NEDD4L: variants seen among roughly 807,000 people sequenced by gnomAD.
NEDD4L encodes E3 ubiquitin-protein ligase NEDD4-like.
Under a neutral mutation model 148.9 loss-of-function variants are expected in NEDD4L, and 54 were observed. That is an observed-to-expected ratio of 0.36 (90% CI 0.29 to 0.45). The LOEUF is 0.45. Ranked by LOEUF, NEDD4L falls within the 20% of genes least tolerant of loss-of-function variation. The probability of loss-of-function intolerance (pLI) is 1.00; values close to 1 mark genes in which losing one functional copy is unlikely to be tolerated. For synonymous variants in NEDD4L, 433 were observed against 440.7 expected, an observed-to-expected ratio of 0.98 and a Z score of 0.22; for missense variants, 856 against 1,233.8, an observed-to-expected ratio of 0.69 and a Z score of 4.59.
chr18:58,151,291 G>T (rs1020619442), intron 1 of NEDD4L, among the ~76,000 whole-genome samples: 2 of 152,206 alleles, frequency 1.3e-5, no homozygotes, highest in African/African-American at 4.8e-5. Context: ...CAAGGGGCTG[G>T]TCGGCCTTGT....
At chr18:58,139,050 T>C (rs1489382228) in intron 1 of NEDD4L, among the ~76,000 whole-genome samples, 1 of 152,254 alleles carries the variant, frequency 6.6e-6, no homozygotes, top group Non-Finnish European at 1.5e-5. Flanking sequence ...GGGTCCTCAG[T>C]GCCTTGCCTT....
At chr18:58,380,296 T>TTTTATTTATTTATTTATTTATTTA (rs550029276) in intron 24 of NEDD4L, among the ~76,000 whole-genome samples, 1 of 141,768 alleles carries the variant, frequency 7.1e-6, no homozygotes, top group African/African-American at 2.7e-5. Context: ...TTCTTTTTTA[T>TTTTATTTATTTATTTATTTATTTA]TTTATTTATT....
intron 9 of NEDD4L, among the ~76,000 whole-genome samples, chr18:58,327,243 G>A (rs1428539484): frequency 2.0e-5 from 3 of 152,052 alleles, no homozygotes; most frequent in Admixed American, 6.5e-5. Context: ...GATTACAGGC[G>A]CCCGCCGCCA....
chr18:58,394,949 A>C (rs1005628554), intron 30 of NEDD4L, among the ~76,000 whole-genome samples: 1 of 152,254 alleles, frequency 6.6e-6, no homozygotes, highest in South Asian at 2.1e-4. Context: ...CAGAGGCAGC[A>C]CAAGTGCACT....
intron 2 of NEDD4L, among the ~76,000 whole-genome samples, chr18:58,183,482 G>A (rs2039074160): frequency 1.3e-5 from 2 of 152,188 alleles, no homozygotes. Context: ...CACATTAATA[G>A]GCCATGTCCT....
chr18:58,234,992 A>G (rs1437369882), intron 2 of NEDD4L, among the ~76,000 whole-genome samples: 1 of 152,034 alleles, frequency 6.6e-6, no homozygotes, highest in African/African-American at 2.4e-5. Flanking sequence ...TGCAGTGAGA[A>G]CTGAGCTGAG....
At chr18:58,167,523 G>C (rs145894461) in intron 2 of NEDD4L, among the ~76,000 whole-genome samples, 3 of 152,252 alleles carry the variant, frequency 2.0e-5, no homozygotes, top group Non-Finnish European at 4.4e-5. Flanking sequence ...ATATCAAAGC[G>C]TGTGTCTTTC....
chr18:58,118,583 T>A (rs924557317), intron 1 of NEDD4L, among the ~76,000 whole-genome samples: 1 of 152,224 alleles, frequency 6.6e-6, no homozygotes, highest in Non-Finnish European at 1.5e-5. Context: ...TCATCCTCCC[T>A]TTTCTTCTTT....
intron 1 of NEDD4L, among the ~76,000 whole-genome samples, chr18:58,064,164 C>T (rs2082483864): frequency 6.6e-6 from 1 of 151,874 alleles, no homozygotes; most frequent in Admixed American, 6.6e-5. Flanking sequence ...CGGGGTTTCA[C>T]CGTGTTAGCC....
intron 2 of NEDD4L, among the ~76,000 whole-genome samples, chr18:58,223,621 T>G (rs1253487570): frequency 6.6e-5 from 10 of 152,244 alleles, no homozygotes; most frequent in Non-Finnish European, 1.5e-4. Context: ...GAAGCCATTT[T>G]CATATCGTTT....
intron 1 of NEDD4L, among the ~76,000 whole-genome samples, chr18:58,113,645 A>G (rs1373016848): frequency 6.6e-6 from 1 of 152,198 alleles, no homozygotes; most frequent in Non-Finnish European, 1.5e-5. Flanking sequence ...AGAGGGGCTC[A>G]TAGAGGCCAA....
At chr18:58,312,892 G>T (rs2057861560) in intron 5 of NEDD4L, among the ~76,000 whole-genome samples, 1 of 152,194 alleles carries the variant, frequency 6.6e-6, no homozygotes, top group East Asian at 1.9e-4. Flanking sequence ...ATTGGCCGGG[G>T]TGATCTCGAA....
chr18:58,297,888 C>T (rs1183226771), intron 5 of NEDD4L, among the ~76,000 whole-genome samples: 1 of 152,114 alleles, frequency 6.6e-6, no homozygotes, highest in Non-Finnish European at 1.5e-5. Flanking sequence ...TCGCTGTCTC[C>T]GAGTCTTTTC....
intron 2 of NEDD4L, chr18:58,195,819 T>A: frequency 1.2e-6 from 1 of 837,958 alleles, no homozygotes; most frequent in Non-Finnish European, 1.8e-6. Context: ...GTGAATCCAT[T>A]AGCTTTAACC....
chr18:58,153,075 G>C (rs2034998027), intron 1 of NEDD4L, among the ~76,000 whole-genome samples: 1 of 152,190 alleles, frequency 6.6e-6, no homozygotes, highest in Admixed American at 6.5e-5. Context: ...TTGATGTTCA[G>C]ACACCTGGCC....
chr18:58,129,079 C>T (rs552230584), intron 1 of NEDD4L, among the ~76,000 whole-genome samples: 3 of 152,178 alleles, frequency 2.0e-5, no homozygotes, highest in Non-Finnish European at 4.4e-5. Context: ...ATAAAAAAAG[C>T]GGCCTGTGCT....
chr18:58,176,372 G>A (rs1346745470), intron 2 of NEDD4L, among the ~76,000 whole-genome samples: 1 of 151,946 alleles, frequency 6.6e-6, no homozygotes, highest in African/African-American at 2.4e-5. Flanking sequence ...GTCTTGCTCT[G>A]TTGCACAGGT....
rs763389898 is a variant in NEDD4L at position 58,333,864 on chromosome 18, C to T, written c.1037C>T (p.Ala346Val). 1.9e-6 allele frequency: 3 copies of T among 1,613,776 alleles called. No individual in the cohort carries two copies. The highest frequency in any genetic ancestry group is 1.6e-4 in the Middle Eastern group (1 of 6,062). The change falls in exon 12 of 31, where the codon GCA becomes GTA. Residue 346 changes from alanine (A) to valine (V), a missense_variant. Physicochemically the swap from Ala to Val is moderately conservative, Grantham distance 64. Coordinates refer to ENST00000400345, the MANE Select transcript of NEDD4L (RefSeq NM_001144967.3). ...TTGAGGTCATGCAGTGTCACCGACG[C>T]AGTTGCAGAACAGGGCCATCTACCA... is the stretch of plus-strand genomic sequence containing the variant. ...SRLRSCSVTDAVAEQGHLPPP... is the reference protein window; with the variant it reads ...SRLRSCSVTDVVAEQGHLPPP...
intron 5 of NEDD4L, among the ~76,000 whole-genome samples, chr18:58,259,818 G>A (rs1160463286): frequency 6.6e-6 from 1 of 152,164 alleles, no homozygotes; most frequent in Admixed American, 6.5e-5. Context: ...ACTTTCCTCT[G>A]TGTCCTCTCA....
Sources: gnomAD v4.1 joint callset for allele counts (sites outside exome capture counted in the v4.1 genomes callset) on GRCh38, gnomAD v4.1.1 for gene constraint, MANE v1.5 for transcripts, NCBI Gene and HGNC (gene_info 2026-07-23, HGNC 2026-07-21) for gene names.